Variants in ALCAM observed in about 807,000 individuals in gnomAD.
ALCAM encodes the protein activated leukocyte cell adhesion molecule.
In ALCAM, 30 loss-of-function variants were observed where a neutral mutation model predicts 70.9. The observed-to-expected ratio is 0.42, with a 90% confidence interval of 0.32 to 0.57. The LOEUF is 0.57. Ranked by LOEUF, ALCAM falls within the 20% of genes least tolerant of loss-of-function variation. The pLI is 0.11. For missense variants in ALCAM, 591 were observed against 695.1 expected (o/e 0.85, Z 1.68); for synonymous variants, 249 against 242.5 (o/e 1.03, Z -0.25).
At chr3:105,443,333 A>G (rs995332908) in intron 1 of ALCAM, among the ~76,000 whole-genome samples, 1 of 152,136 alleles carries the variant, frequency 6.6e-6, no homozygotes, top group African/African-American at 2.4e-5. Context: ...AGATCCTGAT[A>G]TGTCTCCTCC....
At chr3:105,410,635 C>T (rs1479321629) in intron 1 of ALCAM, among the ~76,000 whole-genome samples, 1 of 152,022 alleles carries the variant, frequency 6.6e-6, no homozygotes, top group Non-Finnish European at 1.5e-5. Flanking sequence ...TAAATGCTAA[C>T]TCATTTATTC....
chr3:105,377,971 C>T (rs1478239147), intron 1 of ALCAM, among the ~76,000 whole-genome samples: 1 of 151,954 alleles, frequency 6.6e-6, no homozygotes, highest in Non-Finnish European at 1.5e-5. Context: ...ACTAAACAAA[C>T]TTCAGTTATT....
chr3:105,377,433 C>T (rs1372848752), intron 1 of ALCAM, among the ~76,000 whole-genome samples: 1 of 152,048 alleles, frequency 6.6e-6, no homozygotes, highest in Non-Finnish European at 1.5e-5. Flanking sequence ...TCAAAGAGTA[C>T]ACATCTTTAA....
chr3:105,511,306 C>T (rs1308456826), intron 1 of ALCAM, among the ~76,000 whole-genome samples: 20 of 152,024 alleles, frequency 1.3e-4, no homozygotes, highest in Admixed American at 1.3e-3. Flanking sequence ...ATGATTTTAT[C>T]TTCAGATAGC....
chr3:105,558,993 T>A (rs1048111124), intron 14 of ALCAM, among the ~76,000 whole-genome samples: 4 of 152,042 alleles, frequency 2.6e-5, no homozygotes, highest in Non-Finnish European at 5.9e-5. Flanking sequence ...GACCCCTCTC[T>A]GCCTTGCAGC....
chr3:105,409,991 A>T (rs1014108792), intron 1 of ALCAM, among the ~76,000 whole-genome samples: 1 of 152,044 alleles, frequency 6.6e-6, no homozygotes, highest in Non-Finnish European at 1.5e-5. Context: ...GCGTTGACAC[A>T]TTATTATCAC....
chr3:105,547,304 C>T lies in ALCAM; in HGVS notation c.1240+20C>T, dbSNP rs758370036. The T allele has an allele frequency of 2.5e-6, 4 of 1,581,550 alleles. No homozygotes were observed. The highest frequency in any genetic ancestry group is 3.4e-6 in the Non-Finnish European group (4 of 1,165,886). The stretch of plus-strand genomic sequence containing the variant: ...TAGAAGGTAATAAAATACTTGGGCA[C>T]TAATTCAAATTGTTCTTTGAGAATT... On this transcript the variant is annotated intron_variant, in intron 10 of 15. Coordinates refer to ENST00000306107, the MANE Select transcript of ALCAM (RefSeq NM_001627.4).
At chr3:105,514,551 A>G (rs186122800) in intron 1 of ALCAM, among the ~76,000 whole-genome samples, 20 of 152,120 alleles carry the variant, frequency 1.3e-4, no homozygotes, top group African/African-American at 3.6e-4. Context: ...CTATGACATA[A>G]TATGGATTAT....
intron 1 of ALCAM, among the ~76,000 whole-genome samples, chr3:105,508,769 A>G (rs12632847): frequency 0.24 from 36,738 of 151,928 alleles, 5,049 homozygotes; most frequent in East Asian, 0.44. Context: ...GAAAATTTCT[A>G]CTATACAGTA....
chr3:105,508,952 A>G (rs1276598516), intron 1 of ALCAM, among the ~76,000 whole-genome samples: 3 of 152,130 alleles, frequency 2.0e-5, no homozygotes, highest in East Asian at 1.9e-4. Context: ...GATTCCACAT[A>G]TAAGTATGAT....
intron 15 of ALCAM, among the ~76,000 whole-genome samples, chr3:105,572,624 G>A (rs549136408): frequency 1.5e-4 from 23 of 152,092 alleles, no homozygotes; most frequent in Non-Finnish European, 3.2e-4. Flanking sequence ...GGGTCAAATG[G>A]TATTTCCGGT....
intron 1 of ALCAM, among the ~76,000 whole-genome samples, chr3:105,517,998 A>G (rs1024519339): frequency 1.3e-5 from 2 of 152,116 alleles, no homozygotes; most frequent in African/African-American, 4.8e-5. Flanking sequence ...AAATTCATAG[A>G]GCTTTAAGAC....
At chr3:105,563,287 T>C (rs902075531) in intron 14 of ALCAM, among the ~76,000 whole-genome samples, 3 of 152,026 alleles carry the variant, frequency 2.0e-5, no homozygotes, top group Non-Finnish European at 4.4e-5. Context: ...TGTTATCTGA[T>C]ATTGCTAATT....
In ALCAM at chr3:105,498,159, A is replaced by C. The variant is rs761862288; in HGVS notation, c.74-21908A>C. On this transcript the variant is annotated intron_variant, in intron 1 of 15. Coordinates refer to ENST00000306107, the MANE Select transcript of ALCAM (RefSeq NM_001627.4). ...ATAAGTGTGATTGTCCCTGCTTTAC[A>C]GTTTGTGAAGTAGGGAGGTGTAGTG... is the stretch of plus-strand genomic sequence containing the variant. Among the ~76,000 whole-genome samples, 11 of 152,114 alleles carry C rather than the reference A, an allele frequency of 7.2e-5. No homozygotes were observed. In the South Asian group the frequency reaches 1.2e-3, roughly 17 times the overall value.
intron 1 of ALCAM, among the ~76,000 whole-genome samples, chr3:105,494,584 G>T (rs933315441): frequency 6.6e-6 from 1 of 151,350 alleles, no homozygotes; most frequent in Non-Finnish European, 1.5e-5. Flanking sequence ...ATTCTTTCTT[G>T]CTTTCTTTCC....
chr3:105,568,053 A>AT (rs1175221243), intron 14 of ALCAM, among the ~76,000 whole-genome samples: 5 of 101,926 alleles, frequency 4.9e-5, no homozygotes, highest in Non-Finnish European at 5.9e-5. Context: ...TTATTATTTT[A>AT]TTTTATTTTA....
At chr3:105,442,225 C>T (rs911135466) in intron 1 of ALCAM, among the ~76,000 whole-genome samples, 1 of 151,984 alleles carries the variant, frequency 6.6e-6, no homozygotes, top group Non-Finnish European at 1.5e-5. Context: ...CTTTTTTCTC[C>T]CTCAGGTTTG....
chr3:105,369,589 A>C (rs1935173300), intron 1 of ALCAM, among the ~76,000 whole-genome samples: 1 of 152,250 alleles, frequency 6.6e-6, no homozygotes, highest in African/African-American at 2.4e-5. Flanking sequence ...TTGGACAGTA[A>C]GTGCGCCTTC....
intron 15 of ALCAM, among the ~76,000 whole-genome samples, chr3:105,572,375 T>A (rs1940876866): frequency 6.6e-6 from 1 of 152,140 alleles, no homozygotes; most frequent in African/African-American, 2.4e-5. Flanking sequence ...AGAATGATGG[T>A]TTCCAGCTTC....
Sources: allele counts gnomAD v4.1 joint callset (sites outside exome capture counted in the v4.1 genomes callset), GRCh38; gene constraint gnomAD v4.1.1; transcripts MANE v1.5; gene names NCBI Gene and HGNC (gene_info 2026-07-23, HGNC 2026-07-21).